SH3BP5L: variants seen among roughly 807,000 people sequenced by gnomAD.
The protein encoded by SH3BP5L is SH3 domain-binding protein 5-like.
In SH3BP5L, 16 loss-of-function variants were observed where a neutral mutation model predicts 40.9. The observed-to-expected ratio is 0.39, with a 90% confidence interval of 0.27 to 0.59. The LOEUF is 0.59. Ranked by LOEUF, SH3BP5L falls within the 20% of genes least tolerant of loss-of-function variation. The pLI is 0.53. For synonymous variants in SH3BP5L, 229 were observed against 226.7 expected (o/e 1.01, Z -0.09); for missense variants, 471 against 544.6 (o/e 0.86, Z 1.35).
rs752114196 is a variant in SH3BP5L, at chr1:248,812,103, C to G, written c.979G>C (p.Ala327Pro). 4 of 1,610,666 alleles carry G rather than the reference C, an allele frequency of 2.5e-6. No individual in the cohort carries two copies. The highest frequency in any genetic ancestry group is 3.3e-5 in the Admixed American group (2 of 59,844). The change falls in exon 7 of 7, where the codon GCC becomes CCC. Residue 327 changes from alanine (A) to proline (P), a missense_variant. By Grantham distance (27) the Ala-to-Pro change is conservative. This residue lies in a region of SH3BP5L where 196 missense variants were observed against 174.6 expected (regional missense o/e 1.12). Transcript: ENST00000366472. The surrounding 1 kb of genome is among the most constrained non-coding windows in gnomAD (Gnocchi z 6.1). ...EEGSSLGPGP[A>P]PDTDTLSLLS... ...AGACTCAGGGTATCGGTGTCGGGGG[C>G]GGGGCCGGGCCCCAGGCTGCTGCCC...
At chr1:248,819,387 G>C (rs534078754) in intron 2 of SH3BP5L, among the ~76,000 whole-genome samples, 19 of 148,342 alleles carry the variant, frequency 1.3e-4, no homozygotes, top group South Asian at 6.3e-4. Context: ...ACTAACTACA[G>C]CTGATGAGCT....
At chr1:248,823,224 C>G in intron 2 of SH3BP5L, among the ~76,000 whole-genome samples, 1 of 152,186 alleles carries the variant, frequency 6.6e-6, no homozygotes, top group Admixed American at 6.5e-5. Context: ...CACAGCCCTC[C>G]TCCACAAGCA....
At chr1:248,825,634 C>T (rs1205924806) in intron 1 of SH3BP5L, 1 of 169,244 alleles carries the variant, frequency 5.9e-6, no homozygotes, top group African/African-American at 2.4e-5. Flanking sequence ...CCTCCATCTC[C>T]TGTGGTCTCC....
chr1:248,819,052 T>C (rs35877082), intron 2 of SH3BP5L, among the ~76,000 whole-genome samples: 33,643 of 152,102 alleles, frequency 0.22, 5,108 homozygotes, highest in East Asian at 0.54. Flanking sequence ...CAGGCTGACA[T>C]GCACAATCTT....
rs1213878092 is a variant in SH3BP5L at position 248,811,691 on chromosome 1, C to G, written c.*209G>C. The stretch of plus-strand genomic sequence containing the variant: ...GGGCGAGCCTTCTGAATGGGTAAGG[C>G]AAAGAGAGCCGCCTGCTGAGGGGAA... On this transcript the variant is annotated 3_prime_UTR_variant, in exon 7 of 7. Coordinates refer to ENST00000366472, the MANE Select transcript of SH3BP5L (RefSeq NM_030645.3). 5.5e-6 allele frequency: 3 copies of G among 541,656 alleles called. No homozygotes were observed. The highest frequency in any genetic ancestry group is 5.1e-5 in the South Asian group (2 of 38,990). 33.6% of individuals were successfully genotyped at this position (541,656 alleles called of 1,614,324 possible).
rs1458277217 is a variant in SH3BP5L at position 248,811,761 on chromosome 1, C to T, written c.*139G>A. ...CCAGGGCAGGCACAGAGGACTCGAA[C>T]ACAGCTGGCCTCTCCCAGGGAAGCA... On this transcript the variant is annotated 3_prime_UTR_variant, in exon 7 of 7. Transcript: ENST00000366472. 1.8e-5 allele frequency: 12 copies of T among 660,782 alleles called. No individual in the cohort carries two copies. In the Admixed American group the frequency reaches 3.4e-4, roughly 19 times the overall value. The allele number at this position is 660,782 out of a possible 1,614,324, so 40.9% of individuals were successfully genotyped here.
At chr1:248,813,386 G>A (rs1664010450) in intron 5 of SH3BP5L, 2 of 424,652 alleles carry the variant, frequency 4.7e-6, no homozygotes, top group Non-Finnish European at 8.2e-6. Context: ...GACCGTCGAG[G>A]ACCACATCAC....
intron 2 of SH3BP5L, among the ~76,000 whole-genome samples, chr1:248,817,272 G>A (rs896701255): frequency 1.2e-4 from 19 of 152,304 alleles, no homozygotes; most frequent in African/African-American, 3.6e-4. Flanking sequence ...CGCTCTCTGC[G>A]AGAGGATGGC....
chr1:248,819,083 C>A (rs1193302753), intron 2 of SH3BP5L, among the ~76,000 whole-genome samples: 1 of 152,218 alleles, frequency 6.6e-6, no homozygotes, highest in East Asian at 1.9e-4. Flanking sequence ...CCTTCTACCT[C>A]TTCTATCCTC....
Position 248,817,063 on chromosome 1 carries a change from C to T in SH3BP5L, c.184-179G>A, listed in dbSNP as rs147261968. 1,986 of 1,531,934 alleles carry T rather than the reference C, an allele frequency of 1.3e-3. 43 individuals are homozygous for T. In the East Asian group the frequency reaches 0.04, roughly 31 times the overall value. The allele number at this position is 1,531,934 out of a possible 1,614,324, so 94.9% of individuals were successfully genotyped here. On this transcript the variant is annotated intron_variant, in intron 2 of 6. Transcript: ENST00000366472. ...AAAAGCTTTCTTGTCTATCAGGGAC[C>T]TGATACATACAATCTCACGTAATCC...
Position 248,811,558 on chromosome 1 carries a change from A to G in SH3BP5L, c.*342T>C. 1 of 289,916 alleles carries G rather than the reference A, an allele frequency of 3.4e-6. No individual in the cohort carries two copies. Among genetic ancestry groups the G allele is most frequent in the Non-Finnish European group, 6.4e-6 (1 of 155,482 alleles). The allele number at this position is 289,916 out of a possible 1,614,324, so 18.0% of individuals were successfully genotyped here. ...AGTGCCTTCTAGACCAAGTTCCCTG[A>G]GGGAAAAAGCCAAACAGATGGAAAG... On this transcript the variant is annotated 3_prime_UTR_variant, in exon 7 of 7. Coordinates refer to ENST00000366472, the MANE Select transcript of SH3BP5L (RefSeq NM_030645.3).
intron 2 of SH3BP5L, among the ~76,000 whole-genome samples, chr1:248,819,312 CTT>C (rs1190452095): frequency 1.3e-5 from 2 of 151,696 alleles, no homozygotes; most frequent in African/African-American, 2.4e-5. Context: ...GATGTCCAAT[CTT>C]TTTGCTTCCC....
intron 2 of SH3BP5L, among the ~76,000 whole-genome samples, chr1:248,819,862 C>G (rs1204220293): frequency 2.6e-5 from 4 of 152,056 alleles, no homozygotes; most frequent in African/African-American, 9.7e-5. Flanking sequence ...CTCGAAGAGA[C>G]TTATTCAACA....
Position 248,825,902 on chromosome 1 carries a change from C to G in SH3BP5L, c.-499G>C, listed in dbSNP as rs983506341. 5 of 957,730 alleles carry G rather than the reference C, an allele frequency of 5.2e-6. No homozygotes were observed. Among genetic ancestry groups the G allele is most frequent in the Non-Finnish European group, 6.2e-6 (5 of 806,072 alleles). The allele number at this position is 957,730 out of a possible 1,614,324, so 59.3% of individuals were successfully genotyped here. A position where few individuals can be genotyped will look rare whatever the true frequency, so the allele number is the denominator to read the frequency against. On this transcript the variant is annotated 5_prime_UTR_variant, in exon 1 of 7. Coordinates refer to ENST00000366472, the MANE Select transcript of SH3BP5L (RefSeq NM_030645.3). ...AATCTCCCCCCCTCCCTCCCCGCAA[C>G]AAGCCGATCCAACCAAAAACGACCA...
intron 2 of SH3BP5L, among the ~76,000 whole-genome samples, chr1:248,819,098 C>A (rs1478975274): frequency 5.3e-5 from 8 of 152,194 alleles, no homozygotes; most frequent in Admixed American, 2.6e-4. Context: ...ATCCTCCCCC[C>A]ATCCCCTGCC....
At chr1:248,823,113 T>C (rs144754868) in intron 2 of SH3BP5L, among the ~76,000 whole-genome samples, 2 of 151,960 alleles carry the variant, frequency 1.3e-5, no homozygotes, top group African/African-American at 4.8e-5. Context: ...TACATAGGAG[T>C]AGTAGAGGCC....
At chr1:248,817,075 A>C (rs1558228801) in intron 2 of SH3BP5L, 191 bp from the exon 3 acceptor site, 2 of 1,523,926 alleles carry the variant, frequency 1.3e-6, no homozygotes, top group Non-Finnish European at 1.8e-6. Context: ...GATACATACA[A>C]TCTCACGTAA....
At position 248,814,477 on chromosome 1, in the gene SH3BP5L, T is replaced by G; in HGVS notation, c.509A>C (p.Gln170Pro). The G allele has an allele frequency of 6.2e-7, 1 of 1,614,222 alleles. No individual in the cohort carries two copies. The highest frequency in any genetic ancestry group is 8.5e-7 in the Non-Finnish European group (1 of 1,180,048). Reference protein sequence around the residue: ...ADKNRLDPTWQEMLNHATCKV... With the variant: ...ADKNRLDPTWPEMLNHATCKV... ...GCAGGTAGCATGGTTCAGCATCTCC[T>G]GCCACGTGGGGTCCAGTCGGTTCTT... The change falls in exon 5 of 7, where the codon CAG (glutamine) becomes CCG (proline). Residue 170 changes from glutamine to proline, a missense_variant. Physicochemically the swap from Gln to Pro is moderately conservative, Grantham distance 76. Transcript: ENST00000366472.
chr1:248,813,417 C>T (rs1465136409), intron 5 of SH3BP5L: 5 of 393,760 alleles, frequency 1.3e-5, no homozygotes, highest in Non-Finnish European at 2.2e-5. Context: ...CTCTGAGCCA[C>T]GTCTTCCCCA....
Sources: allele counts gnomAD v4.1 joint callset (sites outside exome capture counted in the v4.1 genomes callset), GRCh38; gene constraint gnomAD v4.1.1; regional missense constraint gnomAD v4.1.1; non-coding constraint Gnocchi (gnomAD v3.1); transcripts MANE v1.5; gene names NCBI Gene and HGNC (gene_info 2026-07-23, HGNC 2026-07-21).